Variants in CHL1 observed in about 807,000 individuals in gnomAD.
CHL1 encodes the protein neural cell adhesion molecule L1-like protein.
CHL1 carries 96 observed loss-of-function variants against 141.9 expected under a neutral mutation model. That is an observed-to-expected ratio of 0.68 (90% CI 0.57 to 0.80). The LOEUF is 0.80. CHL1 is among the 30% of genes least tolerant of loss of function. The pLI, the probability that CHL1 is intolerant of heterozygous loss-of-function variation, is 0.00. For missense variants in CHL1, 1,820 were observed against 1,457.2 expected (o/e 1.25, Z -4.05); for synonymous variants, 613 against 502.2 (o/e 1.22, Z -2.95).
chr3:280,792 T>A (rs1696571062), intron 2 of CHL1, among the ~76,000 whole-genome samples: 1 of 152,138 alleles, frequency 6.6e-6, no homozygotes, highest in Non-Finnish European at 1.5e-5. Context: ...ATCATTACTC[T>A]TCTTTAATGA....
rs879790982 is a variant in CHL1 at position 333,124 on chromosome 3, A to ATTTTTTTTTGTTTTTT, written c.385+4778_385+4779insTGTTTTTTTTTTTTTT. Among the ~76,000 whole-genome samples, 2 of 83,314 alleles carry ATTTTTTTTTGTTTTTT rather than the reference A, an allele frequency of 2.4e-5. 1 individual carries two copies. Among genetic ancestry groups the ATTTTTTTTTGTTTTTT allele is most frequent in the Non-Finnish European group, 4.3e-5 (2 of 46,910 alleles). 54.7% of individuals were successfully genotyped at this position (83,314 alleles called of 152,430 possible). A position where few individuals can be genotyped will look rare whatever the true frequency, so the allele number is the denominator to read the frequency against. The stretch of plus-strand genomic sequence containing the variant: ...AGCTACGTTGTTGGATAATTGCTCT[A>ATTTTTTTTTGTTTTTT]TTTTTTTTATTTTTTTTTTTTGCTG... On this transcript the variant is annotated intron_variant, in intron 5 of 27. Transcript: ENST00000256509.
At chr3:251,898 T>A (rs1410702503) in intron 2 of CHL1, among the ~76,000 whole-genome samples, 1 of 152,152 alleles carries the variant, frequency 6.6e-6, no homozygotes, top group East Asian at 1.9e-4. Context: ...GTTTCTCAAA[T>A]CATTCCTTTT....
intron 2 of CHL1, among the ~76,000 whole-genome samples, chr3:281,248 T>G (rs1313654303): frequency 1.3e-5 from 2 of 152,184 alleles, no homozygotes; most frequent in Admixed American, 6.5e-5. Context: ...TTGTGCAGTA[T>G]CTCATAGTTA....
intron 1 of CHL1, among the ~76,000 whole-genome samples, chr3:202,523 A>T (rs1222523252): frequency 2.0e-5 from 3 of 152,230 alleles, no homozygotes; most frequent in Admixed American, 6.5e-5. Flanking sequence ...TACCAACCCA[A>T]ATCAATTCAA....
Position 260,343 on chromosome 3 carries a change from G to T in CHL1, c.-95+15651G>T, listed in dbSNP as rs1694600469. 2.6e-5 allele frequency among the ~76,000 whole-genome samples: 4 copies of T among 152,140 alleles called. No homozygotes were observed. In the South Asian group the frequency reaches 8.3e-4, roughly 31 times the overall value. On this transcript the variant is annotated intron_variant, in intron 2 of 27. Transcript: ENST00000256509. ...CATTCTTAAAGGAAAACATAAGTCT[G>T]TATCAAGGCATTAGAATATAATTAT...
Position 288,897 on chromosome 3 carries a change from G to T in CHL1, c.-94-30786G>T, listed in dbSNP as rs374583739. Among the ~76,000 whole-genome samples, 264 of 152,296 alleles carry T rather than the reference G, an allele frequency of 1.7e-3. 1 individual carries two copies. The highest frequency in any genetic ancestry group is 6.2e-3 in the African/African-American group (257 of 41,558). On this transcript the variant is annotated intron_variant, in intron 2 of 27. Coordinates refer to ENST00000256509, the MANE Select transcript of CHL1 (RefSeq NM_006614.4). ...TATTTACAACTTTTATCTATTTAGT[G>T]TTATTAGATGAAGACTTTATCATTT...
chr3:327,834 A>C (rs114698945), intron 4 of CHL1, among the ~76,000 whole-genome samples: 152 of 152,094 alleles, frequency 1.0e-3, no homozygotes, highest in African/African-American at 3.5e-3. Context: ...ACACACAAAT[A>C]CATGAACAGA....
At chr3:231,162 T>G (rs1701816386) in intron 1 of CHL1, among the ~76,000 whole-genome samples, 1 of 152,192 alleles carries the variant, frequency 6.6e-6, no homozygotes, top group Non-Finnish European at 1.5e-5. Flanking sequence ...TGCAGTAAAA[T>G]ATCTACCTTT....
chr3:280,827 T>C (rs937972647), intron 2 of CHL1, among the ~76,000 whole-genome samples: 3 of 152,082 alleles, frequency 2.0e-5, no homozygotes, highest in African/African-American at 7.2e-5. Context: ...ATAACTTTCC[T>C]CTCTGGTTTT....
At chr3:208,656 C>T (rs1699648966) in intron 1 of CHL1, among the ~76,000 whole-genome samples, 1 of 152,126 alleles carries the variant, frequency 6.6e-6, no homozygotes, top group Non-Finnish European at 1.5e-5. Context: ...AATATGGTAC[C>T]ATTAATGAAA....
rs144273590 is a variant in CHL1, at chr3:283,639, A to G, written c.-94-36044A>G. Among the ~76,000 whole-genome samples, 712 of 152,372 alleles carry G rather than the reference A, an allele frequency of 4.7e-3. 3 individuals are homozygous for G. The highest frequency in any genetic ancestry group is 6.9e-3 in the Non-Finnish European group (469 of 68,024). On this transcript the variant is annotated intron_variant, in intron 2 of 27. Coordinates refer to ENST00000256509, the MANE Select transcript of CHL1 (RefSeq NM_006614.4). ...AATTCATATGAGGAATACAGACTCT[A>G]GTGTAAACTATTGGCATTACTGAAA...
At chr3:260,357 G>A (rs1486942458) in intron 2 of CHL1, among the ~76,000 whole-genome samples, 1 of 152,184 alleles carries the variant, frequency 6.6e-6, no homozygotes, top group East Asian at 1.9e-4. Context: ...CAAGGCATTA[G>A]AATATAATTA....
At chr3:344,127 G>C (rs185398384) in intron 8 of CHL1, among the ~76,000 whole-genome samples, 1 of 152,140 alleles carries the variant, frequency 6.6e-6, no homozygotes, top group Admixed American at 6.6e-5. Flanking sequence ...TAGATGCCTA[G>C]TGTCTACCAC....
Position 383,737 on chromosome 3 carries a change from T to G in CHL1, c.2177-79T>G, listed in dbSNP as rs1049053862. On this transcript the variant is annotated intron_variant, in intron 18 of 27. Transcript: ENST00000256509. ...CAAACTTACTTAATTATCTGTGTTT[T>G]TGGGGGGCAGGAGTTGTGATATGAT... The G allele has an allele frequency of 1.5e-4, 128 of 868,116 alleles. 4 individuals are homozygous for G. The South Asian group carries it at 1.9e-3, about 13-fold the overall frequency. 53.8% of individuals were successfully genotyped at this position (868,116 alleles called of 1,614,324 possible). A position where few individuals can be genotyped will look rare whatever the true frequency, so the allele number is the denominator to read the frequency against.
At chr3:327,989 G>A (rs367641487) in intron 4 of CHL1, among the ~76,000 whole-genome samples, 178 bp from the exon 5 acceptor site, 1 of 151,832 alleles carries the variant, frequency 6.6e-6, no homozygotes. Context: ...CTGTTTTATG[G>A]ACAGTAATAT....
At chr3:404,793 G>GA (rs1178975769) in intron 27 of CHL1, among the ~76,000 whole-genome samples, 1 of 152,168 alleles carries the variant, frequency 6.6e-6, no homozygotes, top group Non-Finnish European at 1.5e-5. Flanking sequence ...GACAGCAAGG[G>GA]AAATTGCATT....
chr3:239,447 T>G (rs1692332048), intron 1 of CHL1, among the ~76,000 whole-genome samples: 1 of 152,072 alleles, frequency 6.6e-6, no homozygotes, highest in Non-Finnish European at 1.5e-5. Flanking sequence ...TGACAGACAC[T>G]GTGGTGGTAA....
chr3:341,566 G>A (rs1037616326), intron 6 of CHL1, among the ~76,000 whole-genome samples: 3 of 152,174 alleles, frequency 2.0e-5, no homozygotes, highest in Admixed American at 6.5e-5. Context: ...AAATACAAGT[G>A]TTAATTAGGT....
At chr3:295,206 A>C (rs1698079597) in intron 2 of CHL1, among the ~76,000 whole-genome samples, 2 of 152,186 alleles carry the variant, frequency 1.3e-5, no homozygotes, top group Admixed American at 1.3e-4. Flanking sequence ...CTGATTTCAC[A>C]TTTCTTCAGA....
Sources: gnomAD v4.1 joint callset for allele counts (sites outside exome capture counted in the v4.1 genomes callset) on GRCh38, gnomAD v4.1.1 for gene constraint, MANE v1.5 for transcripts, NCBI Gene and HGNC (gene_info 2026-07-23, HGNC 2026-07-21) for gene names.